The following THNSL2 variants were observed in gnomAD, a reference collection of about 807,000 sequenced individuals.
THNSL2 encodes threonine synthase like 2.
Under a neutral mutation model 40.0 loss-of-function variants are expected in THNSL2, and 34 were observed. The observed-to-expected ratio is 0.85, with a 90% CI of 0.65 to 1.13. The LOEUF (loss-of-function observed/expected upper bound fraction) is 1.13, where lower values mean the gene tolerates loss of function less well. Among genes scored for constraint, THNSL2 ranks in the 50% most tolerant of loss-of-function variants. The probability of loss-of-function intolerance (pLI) is 0.00; values close to 1 mark genes in which losing one functional copy is unlikely to be tolerated. For synonymous variants in THNSL2, 241 were observed against 247.5 expected, an observed-to-expected ratio of 0.97 and a Z score of 0.25; for missense variants, 537 against 608.8, an observed-to-expected ratio of 0.88 and a Z score of 1.24.
chr2:88,183,085 C>G lies in THNSL2; in HGVS notation c.1077+12C>G. 6.2e-7 allele frequency: 1 copy of G among 1,609,698 alleles called. No homozygotes were observed. The highest frequency in any genetic ancestry group is 8.5e-7 in the Non-Finnish European group (1 of 1,177,650). On this transcript the variant is annotated intron_variant, in intron 7 of 8. Coordinates refer to ENST00000674334, the MANE Select transcript of THNSL2 (RefSeq NM_018271.5). ...AACTGCACAGCAAGGTCAGTCACTA[C>G]CCACACACCACAGAGAAAGGAAAGG...
intron 4 of THNSL2, chr2:88,177,093 T>A (rs1036481084): frequency 6.6e-6 from 1 of 152,220 alleles, no homozygotes; most frequent in African/African-American, 2.4e-5. Context: ...TGTAAAGTAA[T>A]GGCAGAAATG....
At chr2:88,180,130 C>A (rs1677370930) in intron 5 of THNSL2, among the ~76,000 whole-genome samples, 1 of 152,228 alleles carries the variant, frequency 6.6e-6, no homozygotes, top group African/African-American at 2.4e-5. Flanking sequence ...TGCACTGAGT[C>A]GTGCGGCCAG....
intron 7 of THNSL2, 80 bp from the exon 8 acceptor site, chr2:88,185,248 C>A (rs1172884123): frequency 3.3e-6 from 5 of 1,536,612 alleles, no homozygotes; most frequent in Non-Finnish European, 4.4e-6. Flanking sequence ...TTGTGTGGAT[C>A]TGTGGTGGAG....
At position 88,186,201 on chromosome 2, in the gene THNSL2, A is replaced by G; in HGVS notation, c.*78A>G. On this transcript the variant is annotated 3_prime_UTR_variant, in exon 9 of 9. Coordinates refer to ENST00000674334, the MANE Select transcript of THNSL2 (RefSeq NM_018271.5). ...CTGAGCTGCCTTGTGCACCCTCCCC[A>G]TTAAGCGTAGGTTAGGAGGTTTCCG... 1 of 1,396,688 alleles carries G rather than the reference A, an allele frequency of 7.2e-7. No individual in the cohort carries two copies. Among genetic ancestry groups the G allele is most frequent in the Non-Finnish European group, 9.9e-7 (1 of 1,011,322 alleles). The allele number at this position is 1,396,688 out of a possible 1,614,324, so 86.5% of individuals were successfully genotyped here. A position where few individuals can be genotyped will look rare whatever the true frequency, so the allele number is the denominator to read the frequency against.
rs1677869563 is a variant in THNSL2 at position 88,183,037 on chromosome 2, C to T, written c.1041C>T (p.Thr347=). 1.2e-6 allele frequency: 2 copies of T among 1,613,724 alleles called. No homozygotes were observed. Among genetic ancestry groups the T allele is most frequent in the Non-Finnish European group, 1.7e-6 (2 of 1,180,006 alleles). ...TRALMEQFER[T]QSVNLPKELH... ...CCCTCATGGAGCAGTTTGAAAGGAC[C>T]CAAAGTGTGAATCTGCCCAAGGAAC... Residue 347 remains threonine, a synonymous_variant, in exon 7 of 9, where the codon ACC becomes ACT. Coordinates refer to ENST00000674334, the MANE Select transcript of THNSL2 (RefSeq NM_018271.5).
At chr2:88,180,104 G>A (rs911531065) in intron 5 of THNSL2, among the ~76,000 whole-genome samples, 9 of 152,148 alleles carry the variant, frequency 5.9e-5, no homozygotes, top group East Asian at 5.8e-4. Flanking sequence ...CATTCCCATC[G>A]CCCTCCAATT....
intron 4 of THNSL2, 112 bp from the exon 5 acceptor site, chr2:88,178,671 A>G: frequency 1.8e-6 from 2 of 1,086,922 alleles, no homozygotes; most frequent in Non-Finnish European, 2.7e-6. Flanking sequence ...AGGCTGCGCG[A>G]AGGTCCCAGG....
intron 4 of THNSL2, 46 bp from the exon 5 acceptor site, chr2:88,178,737 G>A: frequency 6.2e-7 from 1 of 1,607,762 alleles, no homozygotes; most frequent in Non-Finnish European, 8.5e-7. Context: ...CCTCCTGGGG[G>A]TTCTACATGC....
chr2:88,174,736 C>T lies in THNSL2; in HGVS notation c.321C>T (p.Gly107=), dbSNP rs759239593. 20 of 1,614,022 alleles carry T rather than the reference C, an allele frequency of 1.2e-5. No individual in the cohort carries two copies. Among genetic ancestry groups the T allele is most frequent in the South Asian group, 6.6e-5 (6 of 91,072 alleles). ...TGAACGTGTTGGAGCTGTGGCATGG[C>T]GTCACATATGCATTTAAGGACCTGT... ...NGLNVLELWH[G]VTYAFKDLSL... The change falls in exon 3 of 9, where the codon GGC becomes GGT. Residue 107 remains glycine, a synonymous_variant. Transcript: ENST00000674334.
rs1399752479 is a variant in THNSL2 at position 88,182,794 on chromosome 2, TTC to T, written c.908_909del (p.Ser303Ter). 1.2e-6 allele frequency: 2 copies of T among 1,613,952 alleles called. No homozygotes were observed. Among genetic ancestry groups the T allele is most frequent in the Non-Finnish European group, 1.7e-6 (2 of 1,180,014 alleles). On this transcript the variant is annotated frameshift_variant, in exon 6 of 9. Coordinates refer to ENST00000674334, the MANE Select transcript of THNSL2 (RefSeq NM_018271.5). LOFTEE classifies it high-confidence loss of function. ...CCACAGGACTGTCCAGCAGGGAGAC[TTC>T]TCTCTCTCTGAGGCTGTTAAATCAA... ...IIHRTVQQGD[F>X]SLSEAVKSTL...
chr2:88,177,873 C>A (rs187313162), intron 4 of THNSL2, among the ~76,000 whole-genome samples: 222 of 152,286 alleles, frequency 1.5e-3, no homozygotes, highest in Middle Eastern at 6.8e-3. Flanking sequence ...TTGGCTTGGT[C>A]CTGGCAAAGG....
At chr2:88,174,595 G>C in intron 2 of THNSL2, 44 bp from the exon 3 acceptor site, 1 of 1,564,668 alleles carries the variant, frequency 6.4e-7, no homozygotes, top group Non-Finnish European at 8.7e-7. Flanking sequence ...ACTTGAGAAA[G>C]AGACCAGGCC....
Position 88,170,379 on chromosome 2 carries a change from TTCGCAGC to T in THNSL2, c.-89_-83del, listed in dbSNP as rs1448682946. The T allele has an allele frequency of 1.4e-5, 2 of 145,906 alleles. No individual in the cohort carries two copies. Among genetic ancestry groups the T allele is most frequent in the Non-Finnish European group, 3.0e-5 (2 of 66,414 alleles). The allele number at this position is 145,906 out of a possible 1,614,324, so 9.0% of individuals were successfully genotyped here. ...GGACGCGGACTCGGGAGTGCGCACA[TTCGCAGC>T]CCGGGCAGCCCTGCTGCGCACCGGG... On this transcript the variant is annotated 5_prime_UTR_variant, in exon 1 of 9. Transcript: ENST00000674334.
At position 88,186,486 on chromosome 2, in the gene THNSL2, T is replaced by C; in HGVS notation, c.*363T>C. ...TGAAGGTGGGAGCAGCTCACCACCT[T>C]CACGCAGGCTTTGTATGTTCTCTGA... On this transcript the variant is annotated 3_prime_UTR_variant, in exon 9 of 9. Coordinates refer to ENST00000674334, the MANE Select transcript of THNSL2 (RefSeq NM_018271.5). The C allele has an allele frequency of 4.0e-6, 1 of 251,730 alleles. No individual in the cohort carries two copies. The highest frequency in any genetic ancestry group is 7.9e-6 in the Non-Finnish European group (1 of 126,664). 15.6% of individuals were successfully genotyped at this position (251,730 alleles called of 1,614,324 possible).
chr2:88,182,922 G>A, intron 6 of THNSL2, 26 bp from the exon 7 acceptor site: 1 of 1,614,070 alleles, frequency 6.2e-7, no homozygotes. Flanking sequence ...AGATCAGTCT[G>A]GACCTGAAAC....
intron 4 of THNSL2, chr2:88,175,983 A>G (rs1308619819): frequency 6.6e-6 from 1 of 152,644 alleles, no homozygotes; most frequent in Non-Finnish European, 1.5e-5. Context: ...CTGTAGTCCC[A>G]GCTACTCCAA....
At chr2:88,185,598 G>A (rs1165978327) in intron 8 of THNSL2, 119 bp downstream of exon 8, 2 of 1,551,578 alleles carry the variant, frequency 1.3e-6, no homozygotes, top group Admixed American at 3.9e-5. Flanking sequence ...AGTGTGATGG[G>A]TGCTGTGTGG....
chr2:88,182,231 A>G (rs1166761964), intron 5 of THNSL2, among the ~76,000 whole-genome samples: 2 of 152,216 alleles, frequency 1.3e-5, no homozygotes, highest in Non-Finnish European at 2.9e-5. Flanking sequence ...ACCACCAGCA[A>G]TGTGGGAATT....
At chr2:88,177,907 C>T (rs977843435) in intron 4 of THNSL2, among the ~76,000 whole-genome samples, 4 of 152,212 alleles carry the variant, frequency 2.6e-5, no homozygotes, top group Admixed American at 6.5e-5. Context: ...TGACTGGCCC[C>T]GGCCATTCTG....
Sources: allele counts gnomAD v4.1 joint callset (sites outside exome capture counted in the v4.1 genomes callset), GRCh38; gene constraint gnomAD v4.1.1; transcripts MANE v1.5; gene names NCBI Gene and HGNC (gene_info 2026-07-23, HGNC 2026-07-21).